The following SYT3 variants were observed in gnomAD, a reference collection of about 807,000 sequenced individuals.
The protein encoded by SYT3 is synaptotagmin-3.
SYT3 carries 25 observed loss-of-function variants against 50.6 expected under a neutral mutation model. That is an observed-to-expected ratio of 0.49 (90% CI 0.36 to 0.69). The LOEUF (loss-of-function observed/expected upper bound fraction) is 0.69. Ranked by LOEUF, SYT3 falls within the 30% of genes least tolerant of loss-of-function variation. The pLI, the probability that SYT3 is intolerant of heterozygous loss-of-function variation, is 0.00. For synonymous variants in SYT3, 323 were observed against 353.9 expected (o/e 0.91, Z 0.98); for missense variants, 589 against 793.6 (o/e 0.74, Z 3.10).
Position 50,637,410 on chromosome 19 carries a change from ATGG to A in SYT3, c.-2_1del, listed in dbSNP as rs1568417510. The A allele has an allele frequency of 3.8e-6, 6 of 1,596,170 alleles. No individual in the cohort carries two copies. On this transcript the variant is annotated start_lost and start_retained_variant and 5_prime_UTR_variant, in exon 3 of 11. Coordinates refer to ENST00000600079, the MANE Select transcript of SYT3 (RefSeq NM_001160329.2). The surrounding 1 kb of genome is among the most constrained non-coding windows in gnomAD (Gnocchi z 4.9). ...GAGGTCATCCTCGTAGTCTCCTGAC[ATGG>A]TGGCCGTCTGGTCCTGTGTGTGGGA...
At chr19:50,652,182 T>C in the SYT3 span, among the ~76,000 whole-genome samples, 2 of 152,218 alleles carry the variant, frequency 1.3e-5, no homozygotes, top group Admixed American at 6.5e-5. Context: ...TCATACCTAG[T>C]ACATATTTAA....
chr19:50,654,254 CCT>C, the SYT3 span, among the ~76,000 whole-genome samples: 2 of 152,066 alleles, frequency 1.3e-5, no homozygotes, highest in African/African-American at 2.4e-5. Flanking sequence ...TTGCTCCTTT[CCT>C]CTCTTTCTCC....
rs185530448 is a variant in SYT3 at position 50,628,440 on chromosome 19, T to C, written c.1281+854A>G. On this transcript the variant is annotated intron_variant, in intron 6 of 10. Transcript: ENST00000600079. The stretch of plus-strand genomic sequence containing the variant: ...GGGAGAACTGAGGAGTGTCTGCATA[T>C]TGGGGATCCCAGGATGGCTGAGGCC... Among the ~76,000 whole-genome samples, 603 of 152,164 alleles carry C rather than the reference T, an allele frequency of 4.0e-3. 3 individuals are homozygous for C. The highest frequency in any genetic ancestry group is 4.5e-3 in the Non-Finnish European group (308 of 68,004).
chr19:50,626,773 TAGAGAGAGACTC>T (rs948386578), intron 6 of SYT3, among the ~76,000 whole-genome samples: 2 of 103,262 alleles, frequency 1.9e-5, no homozygotes, highest in African/African-American at 7.6e-5. Context: ...GAGATATATA[TAGAGAGAGACTC>T]AGAGAGAGAC....
In SYT3 at chr19:50,625,015, C is replaced by CCGCACAG. The variant is rs1983990781; in HGVS notation, c.1707+140_1707+146dup. 1 of 851,684 alleles carries CCGCACAG rather than the reference C, an allele frequency of 1.2e-6. No homozygotes were observed. The highest frequency in any genetic ancestry group is 1.7e-5 in the African/African-American group (1 of 57,834). 52.8% of individuals were successfully genotyped at this position (851,684 alleles called of 1,614,324 possible). A position where few individuals can be genotyped will look rare whatever the true frequency, so the allele number is the denominator to read the frequency against. On this transcript the variant is annotated intron_variant, in intron 9 of 10. Coordinates refer to ENST00000600079, the MANE Select transcript of SYT3 (RefSeq NM_001160329.2). The surrounding 1 kb of genome is among the most constrained non-coding windows in gnomAD (Gnocchi z 7.5). ...GAGCGCTTGGGTAACTGGCTCTAAG[C>CCGCACAG]CGCACAGCTAAAGTTGGCACAGCAG...
At chr19:50,654,391 C>T in the SYT3 span, among the ~76,000 whole-genome samples, 4 of 152,190 alleles carry the variant, frequency 2.6e-5, 1 homozygote, top group African/African-American at 9.6e-5. Context: ...CAACCTCTGC[C>T]TCCTGGGTTC....
the SYT3 span, among the ~76,000 whole-genome samples, chr19:50,656,603 G>C: frequency 1.3e-5 from 2 of 152,076 alleles, no homozygotes; most frequent in Non-Finnish European, 2.9e-5. Flanking sequence ...GAGGACAAAA[G>C]GAGTCCTACT....
Position 50,632,924 on chromosome 19 carries a change from T to C in SYT3, c.149-113A>G. Reference sequence around the variant, plus strand: ...TTTGCCATGCAATTGTCCATGCAATTGCAAGTGCCAGGCACTTTACATGTA... The same window carrying C: ...TTTGCCATGCAATTGTCCATGCAATCGCAAGTGCCAGGCACTTTACATGTA... On this transcript the variant is annotated intron_variant, in intron 3 of 10. Coordinates refer to ENST00000600079, the MANE Select transcript of SYT3 (RefSeq NM_001160329.2). The surrounding 1 kb of genome is among the most constrained non-coding windows in gnomAD (Gnocchi z 4.7). 1 of 833,890 alleles carries C rather than the reference T, an allele frequency of 1.2e-6. No homozygotes were observed. The highest frequency in any genetic ancestry group is 1.7e-6 in the Non-Finnish European group (1 of 577,260). The allele number at this position is 833,890 out of a possible 1,614,324, so 51.7% of individuals were successfully genotyped here.
At chr19:50,641,169 T>A (rs1984665732), upstream of SYT3, among the ~76,000 whole-genome samples, 1 of 3,044 alleles carries the variant, frequency 3.3e-4, no homozygotes, top group Non-Finnish European at 9.0e-4. Context: ...AGCCCAGGAA[T>A]TTTTTTTTTT....
Position 50,639,397 on chromosome 19 carries a change from G to A in SYT3, c.-153-235C>T, listed in dbSNP as rs1042458482. Reference sequence around the variant, plus strand: ...GGGAGTTGAAGTCCTTAATGCCTCCGGGCTGCAGAGAGGATGGGATTTTTT... The same window carrying A: ...GGGAGTTGAAGTCCTTAATGCCTCCAGGCTGCAGAGAGGATGGGATTTTTT... On this transcript the variant is annotated intron_variant, in intron 1 of 10. Coordinates refer to ENST00000600079, the MANE Select transcript of SYT3 (RefSeq NM_001160329.2). The surrounding 1 kb of genome is among the most constrained non-coding windows in gnomAD (Gnocchi z 4.6). 7.9e-5 allele frequency: 12 copies of A among 151,198 alleles called. No homozygotes were observed. The highest frequency in any genetic ancestry group is 1.2e-4 in the African/African-American group (5 of 40,912). The allele number at this position is 151,198 out of a possible 1,614,324, so 9.4% of individuals were successfully genotyped here.
chr19:50,631,220 TAC>T (rs1272959149), intron 4 of SYT3, among the ~76,000 whole-genome samples: 4 of 150,014 alleles, frequency 2.7e-5, no homozygotes, highest in Non-Finnish European at 4.4e-5. Flanking sequence ...CAGGCTGGAG[TAC>T]AGTGGTGCAA....
chr19:50,634,580 T>C (rs2123017870), intron 3 of SYT3, among the ~76,000 whole-genome samples: 1 of 17,716 alleles, frequency 5.6e-5, no homozygotes, highest in Non-Finnish European at 1.2e-4. Flanking sequence ...TGCTTTTTTT[T>C]TTTTTTTTTT....
At position 50,625,383 on chromosome 19, in the gene SYT3, C is replaced by T. The variant is rs1200257461; in HGVS notation, c.1574+10G>A. The T allele has an allele frequency of 6.5e-6, 10 of 1,546,604 alleles. No homozygotes were observed. The highest frequency in any genetic ancestry group is 1.7e-4 in the Middle Eastern group (1 of 6,002). On this transcript the variant is annotated intron_variant, in intron 8 of 10. Coordinates refer to ENST00000600079, the MANE Select transcript of SYT3 (RefSeq NM_001160329.2). This position sits in a 1 kb window ranked among gnomAD's most constrained non-coding sequence, Gnocchi z 7.5. Reference sequence around the variant, plus strand: ...TCCTGCCTGACCCCCGCCCGGGCCGCGCCCCTCACCAGTCGTAGTCTACCA... The same window carrying T: ...TCCTGCCTGACCCCCGCCCGGGCCGTGCCCCTCACCAGTCGTAGTCTACCA...
the SYT3 span, among the ~76,000 whole-genome samples, chr19:50,655,485 CTAAAAATACAAAAATTAGCT>C: frequency 6.6e-6 from 1 of 151,982 alleles, no homozygotes. Context: ...CCCGTCTCTA[CTAAAAATACAAAAATTAGCT>C]GGGCGTGGTA....
Position 50,632,893 on chromosome 19 carries a change from T to G in SYT3, c.149-82A>C. ...TCTGCTGTCCCCAAAGAGTTAACCCTTCATATTTGCCATGCAATTGTCCAT... is the reference window on the plus strand; with the variant it reads ...TCTGCTGTCCCCAAAGAGTTAACCCGTCATATTTGCCATGCAATTGTCCAT... On this transcript the variant is annotated intron_variant, in intron 3 of 10. Transcript: ENST00000600079. The surrounding 1 kb of genome is among the most constrained non-coding windows in gnomAD (Gnocchi z 4.7). 8.3e-7 allele frequency: 1 copy of G among 1,202,724 alleles called. No individual in the cohort carries two copies. 74.5% of individuals were successfully genotyped at this position (1,202,724 alleles called of 1,614,324 possible).
chr19:50,642,137 C>T (rs1428120306), upstream of SYT3, among the ~76,000 whole-genome samples: 3 of 152,224 alleles, frequency 2.0e-5, no homozygotes, highest in Non-Finnish European at 4.4e-5. Context: ...TGTGTGTTTA[C>T]ATCCAGGGAA....
upstream of SYT3, among the ~76,000 whole-genome samples, chr19:50,641,580 C>A (rs954857351): frequency 1.3e-5 from 2 of 151,644 alleles, no homozygotes; most frequent in African/African-American, 2.4e-5. Context: ...GGTGCGGTGG[C>A]TCATGCCTGT....
Position 50,625,754 on chromosome 19 carries a change from TGGCCCCTCCTCCCTC to T in SYT3, c.1402+128_1402+142del. 1.3e-5 allele frequency: 12 copies of T among 920,118 alleles called. No individual in the cohort carries two copies. The highest frequency in any genetic ancestry group is 5.0e-5 in the South Asian group (3 of 60,550). The allele number at this position is 920,118 out of a possible 1,614,324, so 57.0% of individuals were successfully genotyped here. ...TCTCCGACCCAGGAGTCCAGGCCCC[TGGCCCCTCCTCCCTC>T]AGACCCAGGAGTCCAGATCCCCAGC... On this transcript the variant is annotated intron_variant, in intron 7 of 10. Coordinates refer to ENST00000600079, the MANE Select transcript of SYT3 (RefSeq NM_001160329.2). This position sits in a 1 kb window ranked among gnomAD's most constrained non-coding sequence, Gnocchi z 7.5.
the SYT3 span, among the ~76,000 whole-genome samples, chr19:50,652,504 G>C: frequency 6.6e-6 from 1 of 152,200 alleles, no homozygotes; most frequent in South Asian, 2.1e-4. Flanking sequence ...AGCCAAATGA[G>C]GGGGAAGAGA....
Sources: gnomAD v4.1 joint callset for allele counts (sites outside exome capture counted in the v4.1 genomes callset) on GRCh38, gnomAD v4.1.1 for gene constraint, Gnocchi (gnomAD v3.1) non-coding constraint, MANE v1.5 for transcripts, NCBI Gene and HGNC (gene_info 2026-07-23, HGNC 2026-07-21) for gene names.